ZFAND2B: variants seen among roughly 807,000 people sequenced by gnomAD.
ZFAND2B encodes the protein AN1-type zinc finger protein 2B.
Under a neutral mutation model 38.2 loss-of-function variants are expected in ZFAND2B, and 27 were observed. The ratio of observed to expected loss-of-function variants is 0.71; its 90% CI spans 0.52 to 0.97. The LOEUF is 0.97. Ranked by LOEUF, ZFAND2B falls within the 50% of genes least tolerant of loss-of-function variation. The probability of loss-of-function intolerance (pLI) is 0.00; values close to 1 mark genes in which losing one functional copy is unlikely to be tolerated. For missense variants in ZFAND2B, 303 were observed against 331.5 expected (o/e 0.91, Z 0.67); for synonymous variants, 111 against 119.4 (o/e 0.93, Z 0.46).
chr2:219,207,204 G>A (rs1318742048), intron 1 of ZFAND2B, 123 bp from the exon 2 acceptor site: 2 of 1,388,354 alleles, frequency 1.4e-6, no homozygotes, highest in South Asian at 1.2e-5. Context: ...AGGAGGTAAT[G>A]GGCTTGGGAA....
In ZFAND2B at chr2:219,209,265, C is replaced by T; in HGVS notation, c.733C>T (p.Gln245Ter). The T allele has an allele frequency of 1.2e-6, 2 of 1,609,222 alleles. No homozygotes were observed. Among genetic ancestry groups the T allele is most frequent in the African/African-American group, 1.3e-5 (1 of 74,974 alleles). The stretch of plus-strand genomic sequence containing the variant: ...CCTTCCCCTCTCTTTGCTCTAGGCC[C>T]AGAGCCGCAGCTCGAAGCCGTCCAA... ...SEAEYQRQQA[Q>*]SRSSKPSNCS... Residue 245 changes from glutamine (Q) to a stop codon, truncating the protein, a stop_gained, in exon 9 of 9, where the codon CAG becomes TAG. Transcript: ENST00000289528. LOFTEE classifies it high-confidence loss of function.
At chr2:219,207,145 G>T in intron 1 of ZFAND2B, 103 bp downstream of exon 1, 1 of 914,982 alleles carries the variant, frequency 1.1e-6, no homozygotes, top group Non-Finnish European at 1.7e-6. Context: ...GCCGGGGGGC[G>T]GGGCTTGAAG....
rs1271862183 is a variant in ZFAND2B at position 219,206,857 on chromosome 2, T to TGGGCGGGGGAGAGGAAG, written c.-122_-106dup. On this transcript the variant is annotated 5_prime_UTR_variant, in exon 1 of 9. Coordinates refer to ENST00000289528, the MANE Select transcript of ZFAND2B (RefSeq NM_138802.3). ...GCGCGGGGGCTCCGGTAACCCGGGC[T>TGGGCGGGGGAGAGGAAG]GGGCGGGGGAGAGGAAGGGGCGGGG... The TGGGCGGGGGAGAGGAAG allele has an allele frequency of 1.0e-6, 1 of 988,920 alleles. No homozygotes were observed. Among genetic ancestry groups the TGGGCGGGGGAGAGGAAG allele is most frequent in the Non-Finnish European group, 1.4e-6 (1 of 711,832 alleles). 61.3% of individuals were successfully genotyped at this position (988,920 alleles called of 1,614,324 possible).
In ZFAND2B at chr2:219,208,277, A is replaced by C. The variant is rs1363739688; in HGVS notation, c.456A>C (p.Ala152=). Residue 152 remains alanine, a synonymous_variant, in exon 5 of 9, where the codon GCA becomes GCC. Transcript: ENST00000289528. ...ACAGACTTGCTGCCATCTCCAGAGC[A>C]CAAGCTGTGGCTTCTACAAGCACTG... is the stretch of plus-strand genomic sequence containing the variant. ...SRAGLAAISR[A]QAVASTSTVP... 1.8e-5 allele frequency: 29 copies of C among 1,614,078 alleles called. No individual in the cohort carries two copies. Among genetic ancestry groups the C allele is most frequent in the Non-Finnish European group, 2.3e-5 (27 of 1,180,048 alleles).
intron 1 of ZFAND2B, 45 bp downstream of exon 1, chr2:219,207,087 C>A: frequency 2.0e-6 from 3 of 1,506,504 alleles, no homozygotes; most frequent in Non-Finnish European, 2.7e-6. Context: ...CGGACAGGGA[C>A]TTTGAACCGC....
Position 219,207,347 on chromosome 2 carries a change from G to A in ZFAND2B, c.76G>A (p.Asp26Asn), listed in dbSNP as rs1284072381. Residue 26 changes from aspartate (D) to asparagine (N), a missense_variant, in exon 2 of 9, where the codon GAT becomes AAT. Physicochemically the swap from Asp to Asn is conservative, Grantham distance 23 (BLOSUM62 1). Coordinates refer to ENST00000289528, the MANE Select transcript of ZFAND2B (RefSeq NM_138802.3). Reference sequence around the variant, plus strand: ...TGCAGATTTTCTGCCGCTTAAGTGTGATGCCTGCTCAGGCATCTTCTGCGC... The same window carrying A: ...TGCAGATTTTCTGCCGCTTAAGTGTAATGCCTGCTCAGGCATCTTCTGCGC... ...QRLDFLPLKC[D>N]ACSGIFCADH... 3.1e-6 allele frequency: 5 copies of A among 1,614,004 alleles called. No homozygotes were observed. In the South Asian group the frequency reaches 4.4e-5, roughly 14 times the overall value.
intron 1 of ZFAND2B, 59 bp from the exon 2 acceptor site, chr2:219,207,268 A>G: frequency 6.4e-7 from 1 of 1,558,600 alleles, no homozygotes; most frequent in South Asian, 1.1e-5. Flanking sequence ...GGAAGACTTG[A>G]GTGAGAGAGA....
chr2:219,206,795 G>A lies in ZFAND2B; in HGVS notation c.-193G>A, dbSNP rs1459134362. The A allele has an allele frequency of 2.0e-6, 1 of 492,242 alleles. No individual in the cohort carries two copies. Among genetic ancestry groups the A allele is most frequent in the African/African-American group, 2.1e-5 (1 of 48,698 alleles). 30.5% of individuals were successfully genotyped at this position (492,242 alleles called of 1,614,324 possible). A position where few individuals can be genotyped will look rare whatever the true frequency, so the allele number is the denominator to read the frequency against. On this transcript the variant is annotated 5_prime_UTR_variant, in exon 1 of 9. Coordinates refer to ENST00000289528, the MANE Select transcript of ZFAND2B (RefSeq NM_138802.3). ...CTGCGGGATGACGTCAGCGCGCCGC[G>A]CGCGCCGAGGGAGGAGCGGGCGCCG...
chr2:219,208,270 C>G lies in ZFAND2B; in HGVS notation c.449C>G (p.Ser150Cys). ...CTTCCCTACAGACTTGCTGCCATCT[C>G]CAGAGCACAAGCTGTGGCTTCTACA... Reference protein sequence around the residue: ...PTSRAGLAAISRAQAVASTST... With the variant: ...PTSRAGLAAICRAQAVASTST... Residue 150 changes from serine (S) to cysteine (C), a missense_variant, in exon 5 of 9, where the codon TCC becomes TGC. By Grantham distance (112) the Ser-to-Cys change is moderately radical. Transcript: ENST00000289528. 7 of 1,614,208 alleles carry G rather than the reference C, an allele frequency of 4.3e-6. No homozygotes were observed. The Middle Eastern group carries it at 4.9e-4, about 114-fold the overall frequency.
At position 219,209,054 on chromosome 2, in the gene ZFAND2B, G is replaced by A; in HGVS notation, c.729+5G>A. ...GCAGAATACCAGCGGCAGCAGGTAT[G>A]AGGCTGGGCTGAAGATATATGCTGC... On this transcript the variant is annotated splice_donor_5th_base_variant and intron_variant, in intron 8 of 8. Coordinates refer to ENST00000289528, the MANE Select transcript of ZFAND2B (RefSeq NM_138802.3). The A allele has an allele frequency of 6.2e-7, 1 of 1,614,168 alleles. No individual in the cohort carries two copies. Among genetic ancestry groups the A allele is most frequent in the Non-Finnish European group, 8.5e-7 (1 of 1,179,972 alleles).
At chr2:219,207,117 G>T (rs1011105259) in intron 1 of ZFAND2B, 75 bp downstream of exon 1, 2 of 1,207,170 alleles carry the variant, frequency 1.7e-6, no homozygotes, top group African/African-American at 3.0e-5. Context: ...GGGAAGGGTG[G>T]GCTCCCAGGC....
In ZFAND2B at chr2:219,208,007, T is replaced by C. The variant is rs1403496402; in HGVS notation, c.403T>C (p.Ser135Pro). ...CCGGCATCCACTGGACCATGATTGC[T>C]CTGGGGAGGGGCACCCAACCAGCCG... The part of the protein sequence containing the change: ...KHRHPLDHDC[S>P]GEGHPTSRAG... The change falls in exon 4 of 9, where the codon TCT becomes CCT. Residue 135 changes from serine (S) to proline (P), a missense_variant. Ser to Pro is a moderately conservative substitution (Grantham distance 74). Coordinates refer to ENST00000289528, the MANE Select transcript of ZFAND2B (RefSeq NM_138802.3). The C allele has an allele frequency of 6.2e-7, 1 of 1,614,094 alleles. No individual in the cohort carries two copies. Among genetic ancestry groups the C allele is most frequent in the South Asian group, 1.1e-5 (1 of 91,082 alleles).
At position 219,209,528 on chromosome 2, in the gene ZFAND2B, G is replaced by A. The variant is rs1357673256; in HGVS notation, c.*222G>A. ...CTGGTTGGGCCCTCAGTGGATGCTG[G>A]CCAGGCCCTACTCTTAGCCCCTTCA... On this transcript the variant is annotated 3_prime_UTR_variant, in exon 9 of 9. Transcript: ENST00000289528. The A allele has an allele frequency of 2.8e-6, 2 of 708,682 alleles. No individual in the cohort carries two copies. The highest frequency in any genetic ancestry group is 5.2e-6 in the Non-Finnish European group (2 of 381,984). The allele number at this position is 708,682 out of a possible 1,614,324, so 43.9% of individuals were successfully genotyped here. A position where few individuals can be genotyped will look rare whatever the true frequency, so the allele number is the denominator to read the frequency against.
chr2:219,206,797 G>T lies in ZFAND2B; in HGVS notation c.-191G>T, dbSNP rs1323094880. ...GCGGGATGACGTCAGCGCGCCGCGC[G>T]CGCCGAGGGAGGAGCGGGCGCCGGG... On this transcript the variant is annotated 5_prime_UTR_variant, in exon 1 of 9. Transcript: ENST00000289528. 3 of 497,836 alleles carry T rather than the reference G, an allele frequency of 6.0e-6. No individual in the cohort carries two copies. In the African/African-American group the frequency reaches 6.2e-5, roughly 10 times the overall value. The allele number at this position is 497,836 out of a possible 1,614,324, so 30.8% of individuals were successfully genotyped here.
rs367763931 is a variant in ZFAND2B, at chr2:219,208,361, G to C, written c.527+13G>C. The stretch of plus-strand genomic sequence containing the variant: ...CCTCTCCCAGCAGGTAGGCCTGCCC[G>C]TTTCCCTGCTCCCCCTTTTTCCCCT... On this transcript the variant is annotated intron_variant, in intron 5 of 8. Transcript: ENST00000289528. 2.1e-5 allele frequency: 34 copies of C among 1,613,984 alleles called. No individual in the cohort carries two copies. The highest frequency in any genetic ancestry group is 2.7e-5 in the Non-Finnish European group (32 of 1,180,012).
At chr2:219,208,787 T>A (rs2106417435) in intron 7 of ZFAND2B, 148 bp downstream of exon 7, 1 of 1,089,958 alleles carries the variant, frequency 9.2e-7, no homozygotes, top group East Asian at 2.5e-5. Context: ...CTTTGACAAG[T>A]TATTTAACCC....
rs560001697 is a variant in ZFAND2B at position 219,208,627 on chromosome 2, C to T, written c.644C>T (p.Pro215Leu). 9 of 1,613,960 alleles carry T rather than the reference C, an allele frequency of 5.6e-6. No homozygotes were observed. The highest frequency in any genetic ancestry group is 1.7e-5 in the Admixed American group (1 of 60,014). ...GAAATGTCCCTGGCAGAAACCAAAC[C>T]CCAGGTTCCAAGGTACCTTACCCTC... ...ALEMSLAETK[P>L]QVPSCQEEED... is the part of the protein sequence containing the mutation. The change falls in exon 7 of 9, where the codon CCC (proline) becomes CTC (leucine). Residue 215 changes from proline (P) to leucine (L), a missense_variant. Physicochemically the swap from Pro to Leu is moderately conservative, Grantham distance 98. Coordinates refer to ENST00000289528, the MANE Select transcript of ZFAND2B (RefSeq NM_138802.3).
chr2:219,208,371 TC>T, intron 5 of ZFAND2B, 23 bp downstream of exon 5: 1 of 1,614,044 alleles, frequency 6.2e-7, no homozygotes, highest in South Asian at 1.1e-5. Flanking sequence ...GTTTCCCTGC[TC>T]CCCCTTTTTC....
chr2:219,209,246 CCT>C lies in ZFAND2B; in HGVS notation c.730-11_730-10del, dbSNP rs751666758. On this transcript the variant is annotated splice_polypyrimidine_tract_variant and intron_variant, in intron 8 of 8. Coordinates refer to ENST00000289528, the MANE Select transcript of ZFAND2B (RefSeq NM_138802.3). ...TTGCACTGTGTCTTCCCCTCCTTCC[CCT>C]CTCTTTGCTCTAGGCCCAGAGCCGC... 3.1e-5 allele frequency: 49 copies of C among 1,602,610 alleles called. No homozygotes were observed. The Admixed American group carries it at 6.9e-4, about 23-fold the overall frequency.
Sources: allele counts gnomAD v4.1 joint callset, GRCh38; gene constraint gnomAD v4.1.1; transcripts MANE v1.5; gene names NCBI Gene and HGNC (gene_info 2026-07-23, HGNC 2026-07-21).